PHLPP1: variants seen among roughly 807,000 people sequenced by gnomAD.
The protein encoded by PHLPP1 is PH domain and leucine rich repeat protein phosphatase 1, also known as PH domain leucine-rich repeat-containing protein phosphatase 1.
In PHLPP1, 42 loss-of-function variants were observed where a neutral mutation model predicts 117.2. The observed-to-expected ratio is 0.36, with a 90% CI of 0.28 to 0.46. PHLPP1 has a LOEUF of 0.46. Among genes scored for constraint, PHLPP1 ranks in the 20% least tolerant of loss-of-function variants. The pLI, the probability that PHLPP1 is intolerant of heterozygous loss-of-function variation, is 1.00. For synonymous variants in PHLPP1, 1,042 were observed against 970.7 expected (o/e 1.07, Z -1.37); for missense variants, 2,084 against 2,241.9 (o/e 0.93, Z 1.42).
At chr18:62,971,180 GTCT>G (rs1911038982) in intron 14 of PHLPP1, among the ~76,000 whole-genome samples, 1 of 152,038 alleles carries the variant, frequency 6.6e-6, no homozygotes, top group South Asian at 2.1e-4. Flanking sequence ...TCTCAGTTAA[GTCT>G]TCTTCATGTT....
At chr18:62,810,704 G>A (rs1431758844) in intron 1 of PHLPP1, among the ~76,000 whole-genome samples, 2 of 152,234 alleles carry the variant, frequency 1.3e-5, no homozygotes, top group South Asian at 2.1e-4. Context: ...CACAGAAAGC[G>A]AAATCATGGA....
rs1426912694 is a variant in PHLPP1 at position 62,947,707 on chromosome 18, CTTTG to C, written c.3324+2444_3324+2447del. On this transcript the variant is annotated intron_variant, in intron 12 of 16. Transcript: ENST00000262719. ...AGATTTAGATTCTTGTTTTGGGGTT[CTTTG>C]TTTGTTTAAGTATTTGGTTTAAAAT... is the stretch of plus-strand genomic sequence containing the variant. Among the ~76,000 whole-genome samples, 9 of 152,252 alleles carry C rather than the reference CTTTG, an allele frequency of 5.9e-5. No individual in the cohort carries two copies. The East Asian group carries it at 7.7e-4, about 13-fold the overall frequency.
At chr18:62,747,276 C>CTTTTTTTTTTTT (rs564178033) in intron 1 of PHLPP1, among the ~76,000 whole-genome samples, 2 of 123,210 alleles carry the variant, frequency 1.6e-5, no homozygotes, top group Non-Finnish European at 1.7e-5. Flanking sequence ...TCTTCATTTC[C>CTTTTTTTTTTTT]TTTTTTTTTT....
At chr18:62,812,931 A>G (rs1226645676) in intron 1 of PHLPP1, among the ~76,000 whole-genome samples, 1 of 152,182 alleles carries the variant, frequency 6.6e-6, no homozygotes, top group Non-Finnish European at 1.5e-5. Flanking sequence ...GAAGTTAGTG[A>G]AAGTGTTTCA....
intron 4 of PHLPP1, among the ~76,000 whole-genome samples, chr18:62,862,149 G>A (rs537209571): frequency 6.0e-5 from 9 of 150,818 alleles, no homozygotes; most frequent in East Asian, 2.0e-4. Context: ...GCACAATCTC[G>A]GCTCACTGCA....
intron 2 of PHLPP1, among the ~76,000 whole-genome samples, chr18:62,834,489 A>G (rs771251998): frequency 6.6e-6 from 1 of 152,162 alleles, no homozygotes; most frequent in Non-Finnish European, 1.5e-5. Context: ...CAATTCCTAT[A>G]ATGATCTCCT....
At chr18:62,915,291 A>G (rs1054879224) in intron 9 of PHLPP1, among the ~76,000 whole-genome samples, 2 of 152,186 alleles carry the variant, frequency 1.3e-5, no homozygotes, top group African/African-American at 4.8e-5. Context: ...TTTGAAGCAA[A>G]CAATATGATT....
intron 3 of PHLPP1, among the ~76,000 whole-genome samples, chr18:62,848,037 C>A (rs887436965): frequency 6.6e-6 from 1 of 152,238 alleles, no homozygotes; most frequent in Admixed American, 6.5e-5. Context: ...GTATCCCTGG[C>A]AATTCCAACA....
chr18:62,812,735 GA>G (rs1422957196), intron 1 of PHLPP1, among the ~76,000 whole-genome samples: 1 of 151,240 alleles, frequency 6.6e-6, no homozygotes, highest in Non-Finnish European at 1.5e-5. Context: ...TTTTCCTATG[GA>G]AAAGTACCAC....
intron 1 of PHLPP1, among the ~76,000 whole-genome samples, chr18:62,748,900 A>T (rs1405562541): frequency 6.6e-6 from 1 of 151,998 alleles, no homozygotes; most frequent in Non-Finnish European, 1.5e-5. Context: ...TGTGTTCTTT[A>T]GTTCTCATTT....
chr18:62,802,757 A>T (rs1913824147), intron 1 of PHLPP1, among the ~76,000 whole-genome samples: 2 of 152,020 alleles, frequency 1.3e-5, no homozygotes, highest in African/African-American at 2.4e-5. Context: ...TGGAGCGTGG[A>T]ACTTACTTGG....
intron 1 of PHLPP1, among the ~76,000 whole-genome samples, chr18:62,727,276 C>T (rs1208003371): frequency 6.7e-6 from 1 of 149,288 alleles, no homozygotes; most frequent in Non-Finnish European, 1.5e-5. Flanking sequence ...ATTGTTCGCA[C>T]ATTTTAATTG....
chr18:62,897,170 T>G (rs193206895), intron 6 of PHLPP1, among the ~76,000 whole-genome samples: 84 of 152,302 alleles, frequency 5.5e-4, no homozygotes, highest in African/African-American at 1.9e-3. Context: ...CCTCAGGTAG[T>G]AAGAATGAGA....
Position 62,978,258 on chromosome 18 carries a change from C to A in PHLPP1, c.3985-4C>A. The stretch of plus-strand genomic sequence containing the variant: ...TGTCTGTCTGCAAACCCTTGTTCTT[C>A]CAGGATGGCAAGGTGAACGGAGTGA... On this transcript the variant is annotated splice_polypyrimidine_tract_variant and splice_region_variant and intron_variant, in intron 16 of 16. Coordinates refer to ENST00000262719, the MANE Select transcript of PHLPP1 (RefSeq NM_194449.4). This position sits in a 1 kb window ranked among gnomAD's most constrained non-coding sequence, Gnocchi z 7.0. The A allele has an allele frequency of 6.4e-7, 1 of 1,574,492 alleles. No homozygotes were observed. Among genetic ancestry groups the A allele is most frequent in the Non-Finnish European group, 8.7e-7 (1 of 1,150,350 alleles).
rs531428121 is a variant in PHLPP1, at chr18:62,815,126, G to T, written c.1577-14909G>T. On this transcript the variant is annotated intron_variant, in intron 1 of 16. Transcript: ENST00000262719. ...CTAGGGGCTGGAGTTCTCTGGATTT[G>T]ACCGTGGCTGGAGGATGTTTCTTTT... Among the ~76,000 whole-genome samples, 3 of 151,228 alleles carry T rather than the reference G, an allele frequency of 2.0e-5. No individual in the cohort carries two copies. The South Asian group carries it at 6.3e-4, about 32-fold the overall frequency.
At chr18:62,760,579 G>C (rs1231144187) in intron 1 of PHLPP1, among the ~76,000 whole-genome samples, 1 of 152,176 alleles carries the variant, frequency 6.6e-6, no homozygotes, top group African/African-American at 2.4e-5. Context: ...GATTCCTCCT[G>C]TGTGGAATGG....
intron 4 of PHLPP1, among the ~76,000 whole-genome samples, chr18:62,894,595 A>G (rs562475094): frequency 1.3e-5 from 2 of 152,334 alleles, no homozygotes; most frequent in African/African-American, 4.8e-5. Context: ...GGTTTGAGAA[A>G]CATGAAACAG....
chr18:62,866,332 C>T (rs985291835), intron 4 of PHLPP1, among the ~76,000 whole-genome samples: 3 of 151,792 alleles, frequency 2.0e-5, no homozygotes, highest in Admixed American at 1.3e-4. Flanking sequence ...GCAACCTCCG[C>T]CCCCCAGGTT....
At chr18:62,793,558 T>C (rs192829411) in intron 1 of PHLPP1, among the ~76,000 whole-genome samples, 49 of 152,326 alleles carry the variant, frequency 3.2e-4, no homozygotes, top group African/African-American at 8.9e-4. Context: ...TTATTGAACA[T>C]AGAACTTAAT....
Sources: allele counts gnomAD v4.1 joint callset (sites outside exome capture counted in the v4.1 genomes callset), GRCh38; gene constraint gnomAD v4.1.1; non-coding constraint Gnocchi (gnomAD v3.1); transcripts MANE v1.5; gene names NCBI Gene and HGNC (gene_info 2026-07-23, HGNC 2026-07-21).